Variants in DNAJC1 observed in about 807,000 individuals in gnomAD.
DNAJC1 encodes DnaJ heat shock protein family (Hsp40) member C1, also known as dnaJ homolog subfamily C member 1.
In DNAJC1, 58 loss-of-function variants were observed where a neutral mutation model predicts 76.6. The observed-to-expected ratio is 0.76, with a 90% CI of 0.61 to 0.94. DNAJC1 has a LOEUF of 0.94. Among genes scored for constraint, DNAJC1 ranks in the 40% least tolerant of loss-of-function variants. The pLI, the probability that DNAJC1 is intolerant of heterozygous loss-of-function variation, is 0.00. For missense variants in DNAJC1, 689 were observed against 677.3 expected, an observed-to-expected ratio of 1.02 and a Z score of -0.19; for synonymous variants, 258 against 267.9, an observed-to-expected ratio of 0.96 and a Z score of 0.36.
intron 1 of DNAJC1, among the ~76,000 whole-genome samples, chr10:22,001,993 T>G (rs1056987772): frequency 6.6e-6 from 1 of 152,194 alleles, no homozygotes; most frequent in Admixed American, 6.5e-5. Context: ...AAGTGTGAAA[T>G]GCCTATACTT....
chr10:21,758,522 C>T (rs963099376), intron 11 of DNAJC1, among the ~76,000 whole-genome samples: 8 of 152,226 alleles, frequency 5.3e-5, no homozygotes, highest in Non-Finnish European at 1.2e-4. Flanking sequence ...CAAGAGCTAC[C>T]AGCAGGGAGA....
chr10:21,759,538 T>A lies in DNAJC1; in HGVS notation c.1228A>T (p.Met410Leu). 6.2e-7 allele frequency: 1 copy of A among 1,614,164 alleles called. No individual in the cohort carries two copies. Among genetic ancestry groups the A allele is most frequent in the Non-Finnish European group, 8.5e-7 (1 of 1,180,032 alleles). The change falls in exon 11 of 12, where the codon ATG becomes TTG. Residue 410 changes from methionine (M) to leucine (L), a missense_variant. Coordinates refer to ENST00000376980, the MANE Select transcript of DNAJC1 (RefSeq NM_022365.4). ...IKTATTLPDDMITQREDAEGV... is the reference protein window; with the variant it reads ...IKTATTLPDDLITQREDAEGV... The stretch of plus-strand genomic sequence containing the variant: ...TCTGCGTCCTCTCGCTGGGTGATCA[T>A]GTCATCGGGCAAGGTGGTGGCCGTT...
At chr10:21,839,013 A>T in intron 8 of DNAJC1, among the ~76,000 whole-genome samples, 1 of 152,212 alleles carries the variant, frequency 6.6e-6, no homozygotes. Flanking sequence ...GGGTAAATAA[A>T]GAAAGGAAGG....
intron 7 of DNAJC1, among the ~76,000 whole-genome samples, chr10:21,895,355 A>G (rs911994733): frequency 6.6e-6 from 1 of 152,202 alleles, no homozygotes; most frequent in Admixed American, 6.5e-5. Context: ...GGAAACTGGA[A>G]GAAGGGCCAC....
chr10:21,987,090 T>C (rs141561116), intron 1 of DNAJC1, among the ~76,000 whole-genome samples: 2 of 152,304 alleles, frequency 1.3e-5, no homozygotes, highest in East Asian at 3.9e-4. Flanking sequence ...TAACAATACA[T>C]ATCAATTCGG....
intron 8 of DNAJC1, among the ~76,000 whole-genome samples, chr10:21,830,893 G>T (rs1413262132): frequency 9.9e-5 from 15 of 151,972 alleles, no homozygotes; most frequent in Non-Finnish European, 2.1e-4. Context: ...ATTTCTAAAA[G>T]TTCTTTTTTT....
intron 1 of DNAJC1, among the ~76,000 whole-genome samples, chr10:21,991,349 T>G (rs1346516178): frequency 6.6e-6 from 1 of 152,170 alleles, no homozygotes; most frequent in Non-Finnish European, 1.5e-5. Flanking sequence ...CCAACTTTAA[T>G]TAAAGTGATT....
rs1223372731 is a variant in DNAJC1, at chr10:21,904,502, C to T, written c.820+20G>A. 2 of 1,420,582 alleles carry T rather than the reference C, an allele frequency of 1.4e-6. No individual in the cohort carries two copies. Among genetic ancestry groups the T allele is most frequent in the Non-Finnish European group, 1.9e-6 (2 of 1,044,088 alleles). The allele number at this position is 1,420,582 out of a possible 1,614,324, so 88.0% of individuals were successfully genotyped here. On this transcript the variant is annotated intron_variant, in intron 7 of 11. Transcript: ENST00000376980. ...TTAATTTTATATGACATTGTTAAAA[C>T]ACTAATGTTTAAAACTCACTTTGAA...
At chr10:21,950,434 AC>A (rs1182390996) in intron 1 of DNAJC1, among the ~76,000 whole-genome samples, 3 of 152,080 alleles carry the variant, frequency 2.0e-5, no homozygotes, top group African/African-American at 7.2e-5. Flanking sequence ...GACCAGCTGT[AC>A]CCCCATCTCT....
intron 1 of DNAJC1, among the ~76,000 whole-genome samples, chr10:21,961,089 G>A (rs935642100): frequency 1.3e-5 from 2 of 152,164 alleles, no homozygotes; most frequent in African/African-American, 4.8e-5. Context: ...GTGTTTTTGA[G>A]GATGTGGAGA....
At chr10:21,937,689 T>C (rs1837331814) in intron 1 of DNAJC1, among the ~76,000 whole-genome samples, 1 of 152,160 alleles carries the variant, frequency 6.6e-6, no homozygotes, top group Non-Finnish European at 1.5e-5. Flanking sequence ...TAAGGAATAT[T>C]AGCCAAGATA....
At chr10:21,948,989 C>T (rs925309105) in intron 1 of DNAJC1, among the ~76,000 whole-genome samples, 1 of 152,174 alleles carries the variant, frequency 6.6e-6, no homozygotes, top group African/African-American at 2.4e-5. Context: ...AGCAGGAAGT[C>T]AGACCTTATC....
chr10:21,757,766 C>G (rs774354215), intron 11 of DNAJC1, among the ~76,000 whole-genome samples: 15 of 152,160 alleles, frequency 9.9e-5, no homozygotes, highest in Non-Finnish European at 2.1e-4. Flanking sequence ...GCCCAGGCTC[C>G]GGGACAGCAG....
At chr10:21,978,985 G>T (rs190340224) in intron 1 of DNAJC1, among the ~76,000 whole-genome samples, 1 of 151,820 alleles carries the variant, frequency 6.6e-6, no homozygotes, top group East Asian at 1.9e-4. Context: ...TAATTTGAAT[G>T]ATCTTATATA....
chr10:21,893,044 C>G (rs1836483756), intron 7 of DNAJC1, among the ~76,000 whole-genome samples: 1 of 152,078 alleles, frequency 6.6e-6, no homozygotes, highest in Non-Finnish European at 1.5e-5. Context: ...ATTTATAGAA[C>G]ACTCCAATTC....
At chr10:21,795,473 G>T (rs1371912971) in intron 9 of DNAJC1, among the ~76,000 whole-genome samples, 1 of 152,074 alleles carries the variant, frequency 6.6e-6, no homozygotes, top group Non-Finnish European at 1.5e-5. Flanking sequence ...AACAGGAGAA[G>T]ACTAAATACT....
chr10:21,841,934 C>A (rs1835580767), intron 8 of DNAJC1, among the ~76,000 whole-genome samples: 1 of 151,952 alleles, frequency 6.6e-6, no homozygotes, highest in Non-Finnish European at 1.5e-5. Context: ...ATGATGAGTT[C>A]ATGTCCTTTG....
At chr10:21,852,109 A>G (rs1230018099) in intron 8 of DNAJC1, among the ~76,000 whole-genome samples, 1 of 150,864 alleles carries the variant, frequency 6.6e-6, no homozygotes, top group African/African-American at 2.4e-5. Context: ...ACACACACAC[A>G]CACACACACA....
chr10:21,952,377 T>C (rs540027616), intron 1 of DNAJC1, among the ~76,000 whole-genome samples: 1 of 152,328 alleles, frequency 6.6e-6, no homozygotes, highest in Non-Finnish European at 1.5e-5. Flanking sequence ...TTTTCTTCAC[T>C]GAATGCTTTA....
Sources: allele counts gnomAD v4.1 joint callset (sites outside exome capture counted in the v4.1 genomes callset), GRCh38; gene constraint gnomAD v4.1.1; transcripts MANE v1.5; gene names NCBI Gene and HGNC (gene_info 2026-07-23, HGNC 2026-07-21).